SPRR2G: variants seen among roughly 807,000 people sequenced by gnomAD.
The protein encoded by SPRR2G is small proline rich protein 2G.
A neutral mutation model predicts 0.7 loss-of-function variants in SPRR2G; 1 was observed. The observed-to-expected ratio is 1.49, with a 90% CI of 0.53 to 7.06. The LOEUF (loss-of-function observed/expected upper bound fraction) is 7.06. Ranked by LOEUF, SPRR2G falls within the 30% of genes most tolerant of loss-of-function variation. SPRR2G has a pLI of 0.14. For missense variants in SPRR2G, 96 were observed against 88.5 expected (o/e 1.09, Z -0.34); for synonymous variants, 38 against 33.9 (o/e 1.12, Z -0.42).
In SPRR2G at chr1:153,149,769, A is replaced by G; in HGVS notation, c.*120T>C. ...CCTTTTCTCTGTCAACGCTCAAGCCAGACAGAGGTTAGGGAAGATGCAGCC... is the reference window on the plus strand; with the variant it reads ...CCTTTTCTCTGTCAACGCTCAAGCCGGACAGAGGTTAGGGAAGATGCAGCC... On this transcript the variant is annotated 3_prime_UTR_variant, in exon 2 of 2. Coordinates refer to ENST00000368748, the MANE Select transcript of SPRR2G (RefSeq NM_001014291.4). 7.7e-7 allele frequency: 1 copy of G among 1,292,516 alleles called. No homozygotes were observed. Among genetic ancestry groups the G allele is most frequent in the Non-Finnish European group, 1.1e-6 (1 of 909,208 alleles). 80.1% of individuals were successfully genotyped at this position (1,292,516 alleles called of 1,614,324 possible).
the SPRR2G span, among the ~76,000 whole-genome samples, chr1:153,194,137 G>A: frequency 6.6e-6 from 1 of 151,892 alleles, no homozygotes; most frequent in African/African-American, 2.4e-5. Flanking sequence ...GTTCAATTCT[G>A]ATTCAATGAT....
chr1:153,154,697 A>T (rs1000478264), upstream of SPRR2G, among the ~76,000 whole-genome samples: 1 of 151,874 alleles, frequency 6.6e-6, no homozygotes, highest in Non-Finnish European at 1.5e-5. Flanking sequence ...ATCAGTTTTC[A>T]TATCTCCTCT....
At chr1:153,178,442 G>A in the SPRR2G span, among the ~76,000 whole-genome samples, 1 of 152,098 alleles carries the variant, frequency 6.6e-6, no homozygotes, top group African/African-American at 2.4e-5. Context: ...TATAATGTTA[G>A]CCAAGGCTTT....
At chr1:153,185,958 A>G in the SPRR2G span, among the ~76,000 whole-genome samples, 1 of 152,106 alleles carries the variant, frequency 6.6e-6, no homozygotes, top group Non-Finnish European at 1.5e-5. Context: ...TTTCTGCCTT[A>G]ATTTCATTAT....
chr1:153,150,106 G>C lies in SPRR2G; in HGVS notation c.5C>G (p.Ser2Cys), dbSNP rs1280539430. 1.2e-6 allele frequency: 2 copies of C among 1,612,212 alleles called. No homozygotes were observed. The highest frequency in any genetic ancestry group is 1.7e-6 in the Non-Finnish European group (2 of 1,179,844). The change falls in exon 2 of 2, where the codon TCT (serine) becomes TGT (cysteine). Residue 2 changes from serine (S) to cysteine (C), a missense_variant. Coordinates refer to ENST00000368748, the MANE Select transcript of SPRR2G (RefSeq NM_001014291.4). ...CTGCTTGCACTGCTGCTGCTGGTAA[G>C]ACATCTCTCCTCAGTCTCAGAGAAT... M[S>C]YQQQQCKQPC...
At chr1:153,152,880 G>C (rs1268837398), upstream of SPRR2G, among the ~76,000 whole-genome samples, 1 of 152,084 alleles carries the variant, frequency 6.6e-6, no homozygotes, top group Non-Finnish European at 1.5e-5. Context: ...AAATTATTTG[G>C]TTTATCATTT....
the SPRR2G span, among the ~76,000 whole-genome samples, chr1:153,157,967 A>G: frequency 2.6e-4 from 39 of 152,202 alleles, no homozygotes; most frequent in South Asian, 7.9e-3. Flanking sequence ...ATCAGATCTC[A>G]TGAGACGGCC....
chr1:153,155,140 A>G (rs1348238001), upstream of SPRR2G, among the ~76,000 whole-genome samples: 1 of 152,138 alleles, frequency 6.6e-6, no homozygotes, highest in Admixed American at 6.6e-5. Context: ...TACAATATCA[A>G]TGATTCCTAT....
the SPRR2G span, among the ~76,000 whole-genome samples, chr1:153,203,160 G>A: frequency 1.3e-5 from 2 of 152,162 alleles, no homozygotes; most frequent in Non-Finnish European, 2.9e-5. Flanking sequence ...TGTGTCAACA[G>A]TGGGCCAGCT....
chr1:153,151,412 A>G (rs183014139), upstream of SPRR2G, among the ~76,000 whole-genome samples: 30 of 152,358 alleles, frequency 2.0e-4, no homozygotes, highest in Non-Finnish European at 3.5e-4. Flanking sequence ...ACAAAATCAT[A>G]TATCAGCTTC....
At chr1:153,202,529 A>G in the SPRR2G span, among the ~76,000 whole-genome samples, 9 of 152,112 alleles carry the variant, frequency 5.9e-5, no homozygotes, top group African/African-American at 2.2e-4. Context: ...AGTCATCTTC[A>G]ATTCTTAATT....
chr1:153,150,213 T>C (rs1259969302), intron 1 of SPRR2G, 82 bp from the exon 2 acceptor site: 9 of 1,559,718 alleles, frequency 5.8e-6, no homozygotes, highest in Non-Finnish European at 6.9e-6. Flanking sequence ...AAATCTCCAG[T>C]ATCTAGGGAC....
At chr1:153,183,445 T>C in the SPRR2G span, among the ~76,000 whole-genome samples, 1 of 152,082 alleles carries the variant, frequency 6.6e-6, no homozygotes, top group Non-Finnish European at 1.5e-5. Context: ...ATTGTGGCTT[T>C]GATCTGCATT....
the SPRR2G span, among the ~76,000 whole-genome samples, chr1:153,185,679 A>AT: frequency 0.017 from 2,563 of 151,922 alleles, 37 homozygotes; most frequent in Non-Finnish European, 0.026. Context: ...TCCTGGATTC[A>AT]TTTTTTTGAA....
chr1:153,172,675 C>T, the SPRR2G span, among the ~76,000 whole-genome samples: 2 of 152,310 alleles, frequency 1.3e-5, no homozygotes, highest in African/African-American at 2.4e-5. Flanking sequence ...ACCCAAAAAA[C>T]GGAAAACTGG....
chr1:153,152,774 A>G (rs1015079433), upstream of SPRR2G, among the ~76,000 whole-genome samples: 2 of 152,310 alleles, frequency 1.3e-5, 1 homozygote, highest in Admixed American at 1.3e-4. Flanking sequence ...TTAGCTAAGG[A>G]TTACGTGACT....
upstream of SPRR2G, among the ~76,000 whole-genome samples, chr1:153,151,596 T>C (rs1340439039): frequency 6.6e-6 from 1 of 152,236 alleles, no homozygotes. Context: ...CTTGTAACTA[T>C]GAGTGACTTG....
At chr1:153,191,312 A>T in the SPRR2G span, 1 of 152,174 alleles carries the variant, frequency 6.6e-6, no homozygotes, top group Non-Finnish European at 1.5e-5. Flanking sequence ...AGCATCTGGG[A>T]CCAGAATTGT....
the SPRR2G span, among the ~76,000 whole-genome samples, chr1:153,186,461 T>C: frequency 6.6e-6 from 1 of 152,216 alleles, no homozygotes; most frequent in African/African-American, 2.4e-5. Flanking sequence ...CCCTTTACCA[T>C]TATGTAATGT....
Sources: gnomAD v4.1 joint callset for allele counts (sites outside exome capture counted in the v4.1 genomes callset) on GRCh38, gnomAD v4.1.1 for gene constraint, MANE v1.5 for transcripts, NCBI Gene and HGNC (gene_info 2026-07-23, HGNC 2026-07-21) for gene names.